Variants in RSRC1 observed in about 807,000 individuals in gnomAD.
The protein encoded by RSRC1 is serine/Arginine-related protein 53.
RSRC1 carries 39 observed loss-of-function variants against 49.1 expected under a neutral mutation model. The ratio of observed to expected loss-of-function variants is 0.79; its 90% CI spans 0.61 to 1.04. The LOEUF (loss-of-function observed/expected upper bound fraction) is 1.04, where lower values mean the gene tolerates loss of function less well. Among genes scored for constraint, RSRC1 ranks in the 50% least tolerant of loss-of-function variants. RSRC1 has a pLI of 0.00. For missense variants in RSRC1, 388 were observed against 402.4 expected (o/e 0.96, Z 0.31); for synonymous variants, 143 against 130.8 (o/e 1.09, Z -0.63).
At chr3:158,283,933 C>G (rs1726337743) in intron 4 of RSRC1, among the ~76,000 whole-genome samples, 2 of 151,036 alleles carry the variant, frequency 1.3e-5, no homozygotes, top group African/African-American at 4.9e-5. Flanking sequence ...GGTACATGTG[C>G]ACAATGTGCA....
In RSRC1 at chr3:158,188,301, T is replaced by A. The variant is rs1283346723; in HGVS notation, c.321-14771T>A. Reference sequence around the variant, plus strand: ...GAACCTCTATTTTTCACCTCTGATTTGTAGATTAGAACTCATCAGAACATC... The same window carrying A: ...GAACCTCTATTTTTCACCTCTGATTAGTAGATTAGAACTCATCAGAACATC... On this transcript the variant is annotated intron_variant, in intron 3 of 9. Transcript: ENST00000611884. Among the ~76,000 whole-genome samples, 3 of 152,016 alleles carry A rather than the reference T, an allele frequency of 2.0e-5. No individual in the cohort carries two copies. The East Asian group carries it at 5.8e-4, about 29-fold the overall frequency.
At chr3:158,175,483 A>G (rs1314542318) in intron 3 of RSRC1, among the ~76,000 whole-genome samples, 4 of 150,920 alleles carry the variant, frequency 2.7e-5, no homozygotes, top group Admixed American at 2.0e-4. Flanking sequence ...GTATGGTATG[A>G]TTTTTTTTTG....
chr3:158,296,570 TAA>T (rs1044901522), intron 4 of RSRC1, among the ~76,000 whole-genome samples: 6 of 152,114 alleles, frequency 3.9e-5, no homozygotes, highest in African/African-American at 1.2e-4. Context: ...TGTGAAAATG[TAA>T]AGATTCATTT....
intron 3 of RSRC1, among the ~76,000 whole-genome samples, chr3:158,192,173 C>A (rs1451159406): frequency 6.6e-6 from 1 of 151,964 alleles, no homozygotes; most frequent in Non-Finnish European, 1.5e-5. Flanking sequence ...ACATAGAGGG[C>A]AGGGGGAAGG....
chr3:158,517,328 T>C (rs1740623408), intron 7 of RSRC1, among the ~76,000 whole-genome samples: 1 of 152,192 alleles, frequency 6.6e-6, no homozygotes, highest in South Asian at 2.1e-4. Context: ...TTCCACTTGT[T>C]ATATCATTTC....
At chr3:158,449,999 C>G (rs1736932852) in intron 6 of RSRC1, among the ~76,000 whole-genome samples, 1 of 151,944 alleles carries the variant, frequency 6.6e-6, no homozygotes, top group Non-Finnish European at 1.5e-5. Flanking sequence ...GCTTAAGTAT[C>G]ATCCCCTCCT....
chr3:158,345,498 A>G (rs1730502218), intron 5 of RSRC1, among the ~76,000 whole-genome samples: 1 of 152,132 alleles, frequency 6.6e-6, no homozygotes, highest in Non-Finnish European at 1.5e-5. Flanking sequence ...TCAAATTGAT[A>G]TGTAGAGTTG....
intron 7 of RSRC1, among the ~76,000 whole-genome samples, chr3:158,526,371 A>G (rs1221736417): frequency 6.6e-6 from 1 of 151,998 alleles, no homozygotes; most frequent in Non-Finnish European, 1.5e-5. Flanking sequence ...CATATCCAAA[A>G]TCTAGCTCTA....
chr3:158,430,076 AAAAATAAAAT>A lies in RSRC1; in HGVS notation c.584-30836_584-30827del, dbSNP rs59953349. Among the ~76,000 whole-genome samples the A allele has an allele frequency of 3.0e-4, 45 of 149,672 alleles. 1 individual carries two copies. In the East Asian group the frequency reaches 4.9e-3, roughly 16 times the overall value. ...TAATCATAAAAACCACACACACAAA[AAAAATAAAAT>A]AAAATAAAATAAAATAAAATAACCA... is the stretch of plus-strand genomic sequence containing the variant. On this transcript the variant is annotated intron_variant, in intron 6 of 9. Transcript: ENST00000611884.
At chr3:158,440,214 G>A (rs1276701890) in intron 6 of RSRC1, among the ~76,000 whole-genome samples, 1 of 151,844 alleles carries the variant, frequency 6.6e-6, no homozygotes, top group Non-Finnish European at 1.5e-5. Context: ...GAAGTGTAAA[G>A]GATATGAGAT....
At chr3:158,370,630 C>T (rs1007057176) in intron 6 of RSRC1, among the ~76,000 whole-genome samples, 2 of 151,376 alleles carry the variant, frequency 1.3e-5, no homozygotes, top group African/African-American at 2.4e-5. Context: ...CTGGCTATAC[C>T]AGTTTGTTTA....
intron 3 of RSRC1, among the ~76,000 whole-genome samples, chr3:158,145,447 T>C (rs961162721): frequency 3.9e-5 from 6 of 152,200 alleles, no homozygotes; most frequent in African/African-American, 1.4e-4. Context: ...GTTGTAGATA[T>C]GTGGTATTAT....
intron 7 of RSRC1, among the ~76,000 whole-genome samples, chr3:158,516,891 A>C (rs915540711): frequency 6.6e-6 from 1 of 152,200 alleles, no homozygotes; most frequent in Admixed American, 6.5e-5. Flanking sequence ...TTCTTTGACT[A>C]GGAAACGGAA....
At chr3:158,420,144 G>A (rs143239547) in intron 6 of RSRC1, among the ~76,000 whole-genome samples, 424 of 152,074 alleles carry the variant, frequency 2.8e-3, no homozygotes, top group African/African-American at 9.9e-3. Flanking sequence ...TGTGCTCACA[G>A]GGTAGCACAC....
chr3:158,416,161 A>G (rs1578447507), intron 6 of RSRC1, among the ~76,000 whole-genome samples: 1 of 149,994 alleles, frequency 6.7e-6, no homozygotes, highest in African/African-American at 2.4e-5. Context: ...TCCTTCATTT[A>G]CTTTTTAGAG....
chr3:158,123,605 A>G (rs1271870209), intron 2 of RSRC1, among the ~76,000 whole-genome samples: 2 of 152,184 alleles, frequency 1.3e-5, no homozygotes, highest in Non-Finnish European at 2.9e-5. Flanking sequence ...GCCTTGGTTT[A>G]GTTTTCATAC....
intron 6 of RSRC1, among the ~76,000 whole-genome samples, chr3:158,418,675 T>G (rs1300536392): frequency 6.6e-6 from 1 of 151,976 alleles, no homozygotes; most frequent in Admixed American, 6.6e-5. Context: ...GAATCATTGC[T>G]GCACCTGCCT....
chr3:158,340,629 G>T (rs1381293786), intron 5 of RSRC1, among the ~76,000 whole-genome samples: 1 of 152,182 alleles, frequency 6.6e-6, no homozygotes, highest in Non-Finnish European at 1.5e-5. Context: ...ATGTGGAACT[G>T]TAAGACCAAT....
chr3:158,162,207 A>T (rs1432797115), intron 3 of RSRC1, among the ~76,000 whole-genome samples: 1 of 152,196 alleles, frequency 6.6e-6, no homozygotes, highest in Non-Finnish European at 1.5e-5. Context: ...AAATACTCTA[A>T]GTAAATCATG....
Sources: gnomAD v4.1 joint callset for allele counts (sites outside exome capture counted in the v4.1 genomes callset) on GRCh38, gnomAD v4.1.1 for gene constraint, MANE v1.5 for transcripts, NCBI Gene and HGNC (gene_info 2026-07-23, HGNC 2026-07-21) for gene names.